THBS1: variants seen among roughly 807,000 people sequenced by gnomAD.
THBS1 encodes the protein thrombospondin 1, also known as thrombospondin-1.
A neutral mutation model predicts 126.1 loss-of-function variants in THBS1; 29 were observed. The ratio of observed to expected loss-of-function variants is 0.23; its 90% CI spans 0.17 to 0.31. THBS1 has a LOEUF of 0.31. Ranked by LOEUF, THBS1 falls within the 10% of genes least tolerant of loss-of-function variation. The pLI is 1.00. For missense variants in THBS1, 1,198 were observed against 1,545.2 expected (o/e 0.78, Z 3.77); for synonymous variants, 496 against 577.8 (o/e 0.86, Z 2.03).
chr15:39,595,702 C>T lies in THBS1; in HGVS notation c.*333C>T, dbSNP rs190657618. The T allele has an allele frequency of 4.0e-5, 21 of 527,956 alleles. No individual in the cohort carries two copies. Among genetic ancestry groups the T allele is most frequent in the Admixed American group, 2.5e-4 (11 of 44,704 alleles). The allele number at this position is 527,956 out of a possible 1,614,324, so 32.7% of individuals were successfully genotyped here. A position where few individuals can be genotyped will look rare whatever the true frequency, so the allele number is the denominator to read the frequency against. On this transcript the variant is annotated 3_prime_UTR_variant, in exon 22 of 22. Transcript: ENST00000260356. Reference sequence around the variant, plus strand: ...CACAGAGCAGGGTGCTATTGTGAGGCCATCTCTGAGCAGTGGACTCAAAAG... The same window carrying T: ...CACAGAGCAGGGTGCTATTGTGAGGTCATCTCTGAGCAGTGGACTCAAAAG...
intron 7 of THBS1, 35 bp downstream of exon 7, chr15:39,585,598 G>T (rs771562101): frequency 1.3e-6 from 2 of 1,593,752 alleles, no homozygotes; most frequent in East Asian, 2.2e-5. Context: ...ATTCTTCAGT[G>T]ACTAGGTCAG....
chr15:39,582,616 G>T lies in THBS1; in HGVS notation c.491G>T (p.Arg164Met), dbSNP rs770283921. ...KSITLFVQEDRAQLYIDCEKM... is the reference protein window; with the variant it reads ...KSITLFVQEDMAQLYIDCEKM... ...ATCACCCTGTTTGTGCAGGAAGACA[G>T]GGCCCAGCTGTACATCGACTGTGAA... Residue 164 changes from arginine (R) to methionine (M), a missense_variant, in exon 3 of 22, where the codon AGG (arginine) becomes ATG (methionine). Arg to Met is a moderately conservative substitution (Grantham distance 91, BLOSUM62 -1). Coordinates refer to ENST00000260356, the MANE Select transcript of THBS1 (RefSeq NM_003246.4). The T allele has an allele frequency of 6.2e-7, 1 of 1,614,118 alleles. No homozygotes were observed.
At position 39,597,461 on chromosome 15, in the gene THBS1, A is replaced by G. The variant is rs1890495098; in HGVS notation, c.*2092A>G. The G allele has an allele frequency of 6.6e-6, 1 of 151,938 alleles. No individual in the cohort carries two copies. The highest frequency in any genetic ancestry group is 1.5e-5 in the Non-Finnish European group (1 of 68,000). 9.4% of individuals were successfully genotyped at this position (151,938 alleles called of 1,614,324 possible). A position where few individuals can be genotyped will look rare whatever the true frequency, so the allele number is the denominator to read the frequency against. ...AACAATAAATCATATGGAAATTTAT[A>G]TTTATACTTACTGTATCCATGCTTA... On this transcript the variant is annotated 3_prime_UTR_variant, in exon 22 of 22. Coordinates refer to ENST00000260356, the MANE Select transcript of THBS1 (RefSeq NM_003246.4).
At chr15:39,590,479 G>C (rs1566841161) in intron 13 of THBS1, 37 bp from the exon 14 acceptor site, 1 of 1,520,166 alleles carries the variant, frequency 6.6e-7, no homozygotes, top group Non-Finnish European at 9.0e-7. Context: ...CATGAGGAAG[G>C]CAACTGAAGC....
In THBS1 at chr15:39,594,175, G is replaced by C; in HGVS notation, c.3344G>C (p.Arg1115Thr). 1 of 1,614,176 alleles carries C rather than the reference G, an allele frequency of 6.2e-7. No individual in the cohort carries two copies. Residue 1115 changes from arginine (R) to threonine (T), a missense_variant, in exon 20 of 22, where the codon AGG becomes ACG. Arg to Thr is a moderately conservative substitution (Grantham distance 71). Transcript: ENST00000260356. The surrounding 1 kb of genome is among the most constrained non-coding windows in gnomAD (Gnocchi z 4.4). ...FTAYRWRLSH[R>T]PKTGFIRVVM... is the part of the protein sequence containing the mutation. ...GCCTACAGATGGCGTCTCAGCCACA[G>C]GCCAAAGACGGGTTTCATTAGGTAC...
chr15:39,592,510 AT>A lies in THBS1; in HGVS notation c.2533-57del, dbSNP rs1223052866. On this transcript the variant is annotated intron_variant, in intron 16 of 21. Transcript: ENST00000260356. The surrounding 1 kb of genome is among the most constrained non-coding windows in gnomAD (Gnocchi z 4.3). ...TTTCCCTGTGGTGGGGGCATAAGTT[AT>A]CTTTAACATGAATGGTTTATACTGC... 6.3e-6 allele frequency: 9 copies of A among 1,421,216 alleles called. No homozygotes were observed. The highest frequency in any genetic ancestry group is 8.6e-6 in the Non-Finnish European group (9 of 1,041,824). 88.0% of individuals were successfully genotyped at this position (1,421,216 alleles called of 1,614,324 possible). A position where few individuals can be genotyped will look rare whatever the true frequency, so the allele number is the denominator to read the frequency against.
chr15:39,582,386 T>G lies in THBS1; in HGVS notation c.261T>G (p.Gly87=), dbSNP rs762105404. The stretch of plus-strand genomic sequence containing the variant: ...TGGATGCTGTGCGGGCAGAAAAGGG[T>G]TTCCTCCTTCTGGCATCCCTGAGGC... ...DLVDAVRAEK[G]FLLLASLRQM... Residue 87 remains glycine, a synonymous_variant, in exon 3 of 22, where the codon GGT becomes GGG. Transcript: ENST00000260356. The G allele has an allele frequency of 6.2e-7, 1 of 1,613,802 alleles. No homozygotes were observed. Among genetic ancestry groups the G allele is most frequent in the South Asian group, 1.1e-5 (1 of 91,054 alleles).
chr15:39,589,441 C>G lies in THBS1; in HGVS notation c.1926+87C>G. On this transcript the variant is annotated intron_variant, in intron 12 of 21. Coordinates refer to ENST00000260356, the MANE Select transcript of THBS1 (RefSeq NM_003246.4). The surrounding 1 kb of genome is among the most constrained non-coding windows in gnomAD (Gnocchi z 4.7). ...GGAGCGGGAGGAATGTAATTTCATA[C>G]CCTTCACCAAAAAAAAAAGGGCGAG... 1 of 1,500,332 alleles carries G rather than the reference C, an allele frequency of 6.7e-7. No homozygotes were observed. The highest frequency in any genetic ancestry group is 8.9e-7 in the Non-Finnish European group (1 of 1,117,994). The allele number at this position is 1,500,332 out of a possible 1,614,324, so 92.9% of individuals were successfully genotyped here.
rs1252366753 is a variant in THBS1 at position 39,582,605 on chromosome 15, G to A, written c.480G>A (p.Val160=). The A allele has an allele frequency of 2.5e-6, 4 of 1,614,024 alleles. No homozygotes were observed. The highest frequency in any genetic ancestry group is 3.4e-6 in the Non-Finnish European group (4 of 1,180,058). Residue 160 remains valine, a synonymous_variant, in exon 3 of 22, where the codon GTG becomes GTA. Transcript: ENST00000260356. The part of the protein sequence containing the change: ...TGQWKSITLF[V]QEDRAQLYID... ...AGTGGAAGAGCATCACCCTGTTTGT[G>A]CAGGAAGACAGGGCCCAGCTGTACA...
At chr15:39,584,537 C>T (rs890472051) in intron 6 of THBS1, 115 bp downstream of exon 6, 14 of 1,377,890 alleles carry the variant, frequency 1.0e-5, no homozygotes, top group East Asian at 2.4e-5. Flanking sequence ...GGCCTGATAA[C>T]AAAGTGTTTT....
Position 39,595,524 on chromosome 15 carries a change from C to A in THBS1, c.*155C>A. The A allele has an allele frequency of 1.0e-6, 1 of 984,654 alleles. No homozygotes were observed. Among genetic ancestry groups the A allele is most frequent in the South Asian group, 1.7e-5 (1 of 59,218 alleles). 61.0% of individuals were successfully genotyped at this position (984,654 alleles called of 1,614,324 possible). On this transcript the variant is annotated 3_prime_UTR_variant, in exon 22 of 22. Transcript: ENST00000260356. ...GTGGACTCCTAGAACGTGCGACCTG[C>A]CTCAAGAAAATGCAGTTTTCAAAAA...
intron 15 of THBS1, 46 bp downstream of exon 15, chr15:39,591,396 C>A (rs750448135): frequency 5.0e-6 from 8 of 1,597,832 alleles, no homozygotes; most frequent in African/African-American, 1.3e-5. Context: ...CAGGGACATG[C>A]ACAGCTTTCC....
At chr15:39,584,534 T>C (rs1555384878) in intron 6 of THBS1, 112 bp downstream of exon 6, 1 of 1,413,666 alleles carries the variant, frequency 7.1e-7, no homozygotes, top group Non-Finnish European at 9.5e-7. Context: ...CATGGCCTGA[T>C]AACAAAGTGT....
At chr15:39,583,521 C>A in intron 3 of THBS1, 96 bp from the exon 4 acceptor site, 1 of 973,906 alleles carries the variant, frequency 1.0e-6, no homozygotes, top group Non-Finnish European at 1.5e-6. Context: ...TTTAGAACAT[C>A]TATTGTATGC....
intron 15 of THBS1, 69 bp from the exon 16 acceptor site, chr15:39,591,436 A>G: frequency 6.2e-7 from 1 of 1,608,308 alleles, no homozygotes; most frequent in Non-Finnish European, 8.5e-7. Flanking sequence ...CCTGGCTATT[A>G]GTATGCACTT....
At chr15:39,583,562 C>CCCAAA in intron 3 of THBS1, 55 bp from the exon 4 acceptor site, 1 of 632,700 alleles carries the variant, frequency 1.6e-6, no homozygotes, top group Non-Finnish European at 2.9e-6. Flanking sequence ...TCTCCCCCAA[C>CCCAAA]CCCATCCCCA....
Position 39,585,406 on chromosome 15 carries a change from G to C in THBS1, c.1027-64G>C. On this transcript the variant is annotated intron_variant, in intron 6 of 21. Transcript: ENST00000260356. The stretch of plus-strand genomic sequence containing the variant: ...TTGGCTTGTAAAGGAAATGTTACAG[G>C]ATGTAGACTTCTGTATGCAACATGC... The C allele has an allele frequency of 2.1e-6, 3 of 1,446,650 alleles. No individual in the cohort carries two copies. In the South Asian group the frequency reaches 3.4e-5, roughly 17 times the overall value. 89.6% of individuals were successfully genotyped at this position (1,446,650 alleles called of 1,614,324 possible).
rs1890482131 is a variant in THBS1 at position 39,597,280 on chromosome 15, G to GTTTTTTTTTTTTTTTTTTTTTGTTTTTT, written c.*1933_*1934insTTTTTTTTTTTTTTTTTTTTTTTTTTTG. 4.2e-5 allele frequency: 2 copies of GTTTTTTTTTTTTTTTTTTTTTGTTTTTT among 48,044 alleles called. No homozygotes were observed. The highest frequency in any genetic ancestry group is 4.0e-5 in the Non-Finnish European group (1 of 25,238). 3.0% of individuals were successfully genotyped at this position (48,044 alleles called of 1,614,324 possible). On this transcript the variant is annotated 3_prime_UTR_variant, in exon 22 of 22. Coordinates refer to ENST00000260356, the MANE Select transcript of THBS1 (RefSeq NM_003246.4). ...GTTGGTTTTTTCTTTTTTTTGTTTT[G>GTTTTTTTTTTTTTTTTTTTTTGTTTTTT]TTTTTTTTTTTTTTTTTTTTTGCTT...
At chr15:39,585,446 C>A (rs1890191684) in intron 6 of THBS1, 24 bp from the exon 7 acceptor site, 8 of 1,607,512 alleles carry the variant, frequency 5.0e-6, no homozygotes, top group Non-Finnish European at 2.6e-6. Context: ...CAGCCTGTTC[C>A]CCTCTCACTC....
Sources: allele counts gnomAD v4.1 joint callset, GRCh38; gene constraint gnomAD v4.1.1; non-coding constraint Gnocchi (gnomAD v3.1); transcripts MANE v1.5; gene names NCBI Gene and HGNC (gene_info 2026-07-23, HGNC 2026-07-21).